PLCB1: variants seen among roughly 807,000 people sequenced by gnomAD.
The protein encoded by PLCB1 is 1-phosphatidylinositol 4,5-bisphosphate phosphodiesterase beta-1.
Under a neutral mutation model 161.8 loss-of-function variants are expected in PLCB1, and 46 were observed. The ratio of observed to expected loss-of-function variants is 0.28; its 90% CI spans 0.22 to 0.36. The LOEUF is 0.36. PLCB1 is among the 10% of genes least tolerant of loss of function. The probability of loss-of-function intolerance (pLI) is 1.00; values close to 1 mark genes in which losing one functional copy is unlikely to be tolerated. For missense variants in PLCB1, 1,016 were observed against 1,472.5 expected, an observed-to-expected ratio of 0.69 and a Z score of 5.07; for synonymous variants, 517 against 503.7, an observed-to-expected ratio of 1.03 and a Z score of -0.35.
Position 8,338,533 on chromosome 20 carries a change from A to G in PLCB1, c.178-32849A>G, listed in dbSNP as rs1474211977. Among the ~76,000 whole-genome samples, 7 of 152,318 alleles carry G rather than the reference A, an allele frequency of 4.6e-5. No homozygotes were observed. The East Asian group carries it at 1.3e-3, about 29-fold the overall frequency. The stretch of plus-strand genomic sequence containing the variant: ...GGTCAAGTCTAAGGAGCAGAGCTAG[A>G]ACAAAGATGAACTTAAAAGTCATCA... On this transcript the variant is annotated intron_variant, in intron 2 of 31. Coordinates refer to ENST00000338037, the MANE Select transcript of PLCB1 (RefSeq NM_015192.4).
At chr20:8,878,955 C>T (rs148946849) in intron 31 of PLCB1, among the ~76,000 whole-genome samples, 103 of 152,052 alleles carry the variant, frequency 6.8e-4, no homozygotes, top group East Asian at 3.1e-3. Flanking sequence ...GGCTTGCCCC[C>T]GACTCCCTCC....
chr20:8,856,574 A>G (rs1374491096), intron 31 of PLCB1, among the ~76,000 whole-genome samples: 8 of 152,134 alleles, frequency 5.3e-5, no homozygotes, highest in African/African-American at 1.7e-4. Context: ...CCGAGATCAC[A>G]CCACTGCACT....
chr20:8,180,773 A>C, intron 2 of PLCB1, among the ~76,000 whole-genome samples: 1 of 152,330 alleles, frequency 6.6e-6, no homozygotes, highest in South Asian at 2.1e-4. Flanking sequence ...ACAGTCTTTA[A>C]CTATCTGGTG....
chr20:8,876,997 G>A (rs1312134403), intron 31 of PLCB1, among the ~76,000 whole-genome samples: 1 of 152,136 alleles, frequency 6.6e-6, no homozygotes, highest in Non-Finnish European at 1.5e-5. Context: ...TCTTTGCTGG[G>A]ATGGGATGAG....
intron 31 of PLCB1, among the ~76,000 whole-genome samples, chr20:8,830,274 G>A (rs1305367988): frequency 1.3e-5 from 2 of 152,208 alleles, no homozygotes; most frequent in Non-Finnish European, 2.9e-5. Context: ...AAAGAGCTGA[G>A]ACCAAGGGAA....
At chr20:8,327,578 T>G (rs1985206693) in intron 2 of PLCB1, among the ~76,000 whole-genome samples, 1 of 152,222 alleles carries the variant, frequency 6.6e-6, no homozygotes, top group Non-Finnish European at 1.5e-5. Context: ...GAAAACAGCC[T>G]CTGCCATAGA....
At chr20:8,721,397 G>A (rs1979625247) in intron 14 of PLCB1, among the ~76,000 whole-genome samples, 1 of 152,196 alleles carries the variant, frequency 6.6e-6, no homozygotes, top group African/African-American at 2.4e-5. Flanking sequence ...CAACCTCGCT[G>A]ACTTTTTACT....
intron 3 of PLCB1, among the ~76,000 whole-genome samples, chr20:8,470,761 T>G (rs1281046611): frequency 6.6e-6 from 1 of 152,178 alleles, no homozygotes; most frequent in Non-Finnish European, 1.5e-5. Flanking sequence ...TTATCTCTTT[T>G]GGAGAAATGT....
Position 8,870,403 on chromosome 20 carries a change from G to C in PLCB1, c.3424-11219G>C, listed in dbSNP as rs139082898. 2.0e-3 allele frequency among the ~76,000 whole-genome samples: 303 copies of C among 152,296 alleles called. 1 individual carries two copies. The highest frequency in any genetic ancestry group is 6.8e-3 in the African/African-American group (282 of 41,568). ...CCTACAGTAATCTCTAGACACCTGT[G>C]AGATGATTAGAAATTTTGAAATATA... On this transcript the variant is annotated intron_variant, in intron 31 of 31. Coordinates refer to ENST00000338037, the MANE Select transcript of PLCB1 (RefSeq NM_015192.4).
At chr20:8,274,449 C>T (rs1331452258) in intron 2 of PLCB1, among the ~76,000 whole-genome samples, 1 of 151,940 alleles carries the variant, frequency 6.6e-6, no homozygotes, top group African/African-American at 2.4e-5. Context: ...CCCTCCCTCT[C>T]TGCCTCTGTT....
chr20:8,807,821 T>G (rs1984612956), intron 31 of PLCB1, among the ~76,000 whole-genome samples: 2 of 152,184 alleles, frequency 1.3e-5, no homozygotes, highest in Non-Finnish European at 2.9e-5. Flanking sequence ...GAATTTTTTA[T>G]TTTATTTTAA....
At chr20:8,667,304 G>C (rs1304816485) in intron 9 of PLCB1, among the ~76,000 whole-genome samples, 1 of 152,110 alleles carries the variant, frequency 6.6e-6, no homozygotes, top group Non-Finnish European at 1.5e-5. Context: ...GAAGGTTACA[G>C]AAAAATGGCA....
chr20:8,832,886 C>T (rs1233196295), intron 31 of PLCB1, among the ~76,000 whole-genome samples: 1 of 152,174 alleles, frequency 6.6e-6, no homozygotes, highest in Non-Finnish European at 1.5e-5. Flanking sequence ...TCAGAAAGTA[C>T]CCTCATGTCG....
intron 2 of PLCB1, among the ~76,000 whole-genome samples, chr20:8,225,249 T>C (rs1979621238): frequency 6.6e-6 from 1 of 152,206 alleles, no homozygotes; most frequent in South Asian, 2.1e-4. Flanking sequence ...CTCCATTGTG[T>C]CATAAGGGTT....
In PLCB1 at chr20:8,508,400, C is replaced by G. The variant is rs1481285515; in HGVS notation, c.247-119894C>G. ...AAGGTGTGACAGTTACAAGTGGGCC[C>G]TTTTTCACAGTGTGTACCTAAACAC... On this transcript the variant is annotated intron_variant, in intron 3 of 31. Transcript: ENST00000338037. 3.3e-5 allele frequency among the ~76,000 whole-genome samples: 5 copies of G among 152,110 alleles called. No homozygotes were observed. In the East Asian group the frequency reaches 7.7e-4, roughly 23 times the overall value.
At chr20:8,173,440 A>G (rs917647246) in intron 2 of PLCB1, among the ~76,000 whole-genome samples, 2 of 152,228 alleles carry the variant, frequency 1.3e-5, no homozygotes, top group Non-Finnish European at 2.9e-5. Context: ...AACACAGCAA[A>G]GGTTCTGAAA....
chr20:8,647,626 A>C (rs987262937), intron 5 of PLCB1, among the ~76,000 whole-genome samples: 1 of 152,196 alleles, frequency 6.6e-6, no homozygotes, highest in African/African-American at 2.4e-5. Flanking sequence ...TGATTCCTTC[A>C]TGTAAGGTGC....
At chr20:8,205,950 A>G (rs1413305749) in intron 2 of PLCB1, among the ~76,000 whole-genome samples, 1 of 151,224 alleles carries the variant, frequency 6.6e-6, no homozygotes, top group East Asian at 1.9e-4. Context: ...AAATTAATAT[A>G]TAGGTAGATC....
At chr20:8,679,641 C>T (rs970275814) in intron 9 of PLCB1, among the ~76,000 whole-genome samples, 2 of 152,164 alleles carry the variant, frequency 1.3e-5, no homozygotes, top group Non-Finnish European at 2.9e-5. Context: ...TTGTTTTTTC[C>T]ATTCCTTGAG....
Sources: gnomAD v4.1 joint callset for allele counts (sites outside exome capture counted in the v4.1 genomes callset) on GRCh38, gnomAD v4.1.1 for gene constraint, MANE v1.5 for transcripts, NCBI Gene and HGNC (gene_info 2026-07-23, HGNC 2026-07-21) for gene names.